The following RFX7 variants were observed in gnomAD, a reference collection of about 807,000 sequenced individuals.
The protein encoded by RFX7 is regulatory factor X7, also known as DNA-binding protein RFX7.
A neutral mutation model predicts 111.8 loss-of-function variants in RFX7; 26 were observed. The observed-to-expected ratio is 0.23, with a 90% CI of 0.17 to 0.32. The LOEUF is 0.32. Ranked by LOEUF, RFX7 falls within the 10% of genes least tolerant of loss-of-function variation. RFX7 has a pLI of 1.00. For missense variants in RFX7, 1,573 were observed against 1,772.9 expected, an observed-to-expected ratio of 0.89 and a Z score of 2.02; for synonymous variants, 624 against 624.4, an observed-to-expected ratio of 1.00 and a Z score of 0.01.
chr15:56,134,216 A>G (rs1318249133), intron 5 of RFX7, among the ~76,000 whole-genome samples: 2 of 152,108 alleles, frequency 1.3e-5, no homozygotes, highest in Non-Finnish European at 2.9e-5. Flanking sequence ...TAACTTCTCT[A>G]GGTTTCAAAT....
At chr15:56,144,353 G>A in intron 4 of RFX7, 48 bp downstream of exon 4, 1 of 1,049,606 alleles carries the variant, frequency 9.5e-7, no homozygotes, top group South Asian at 1.3e-5. Flanking sequence ...ATATCCTAGG[G>A]ACATCCTATA....
rs1018692794 is a variant in RFX7, at chr15:56,096,104, C to T, written c.1624G>A (p.Glu542Lys). ...ACAGGATGCTCATCTGATGATGTTT[C>T]GGGTTCCACTTTGACTTCCACAGCA... ...TSAVEVKVEP[E>K]TSSDEHPVQC... Residue 542 changes from glutamate to lysine, a missense_variant, in exon 10 of 10, where the codon GAA becomes AAA. This residue lies in a region of RFX7 where 625 missense variants were observed against 632.2 expected (regional missense o/e 0.99). Transcript: ENST00000559447. The T allele has an allele frequency of 6.2e-6, 10 of 1,613,552 alleles. No homozygotes were observed. Among genetic ancestry groups the T allele is most frequent in the Middle Eastern group, 1.6e-4 (1 of 6,084 alleles).
intron 2 of RFX7, among the ~76,000 whole-genome samples, chr15:56,227,822 G>A (rs889711772): frequency 1.3e-5 from 2 of 151,948 alleles, no homozygotes; most frequent in African/African-American, 2.4e-5. Flanking sequence ...CCTTTATATA[G>A]AACTGAATTG....
At chr15:56,161,607 A>G (rs2042720730) in intron 3 of RFX7, among the ~76,000 whole-genome samples, 2 of 152,088 alleles carry the variant, frequency 1.3e-5, no homozygotes. Flanking sequence ...GATAAATCAA[A>G]AGATAAATCC....
chr15:56,088,492 T>C lies in RFX7; in HGVS notation c.*4853A>G, dbSNP rs914919418. The C allele has an allele frequency of 3.5e-4, 54 of 152,358 alleles. No homozygotes were observed. The highest frequency in any genetic ancestry group is 1.2e-3 in the African/African-American group (51 of 41,596). 9.4% of individuals were successfully genotyped at this position (152,358 alleles called of 1,614,324 possible). On this transcript the variant is annotated 3_prime_UTR_variant, in exon 10 of 10. Coordinates refer to ENST00000559447, the MANE Select transcript of RFX7 (RefSeq NM_022841.7). ...TCTCTTCTCCTCTCCAAGAATTAAGTACTTCTTAAAAATCAAATCTTGAAA... is the reference window on the plus strand; with the variant it reads ...TCTCTTCTCCTCTCCAAGAATTAAGCACTTCTTAAAAATCAAATCTTGAAA...
At chr15:56,099,920 C>G (rs535165562) in intron 8 of RFX7, among the ~76,000 whole-genome samples, 13 of 152,298 alleles carry the variant, frequency 8.5e-5, no homozygotes, top group African/African-American at 3.1e-4. Flanking sequence ...CACAGTTAGA[C>G]TTTGTGAATG....
chr15:56,093,296 C>T lies in RFX7; in HGVS notation c.*49G>A. 6.9e-7 allele frequency: 1 copy of T among 1,444,026 alleles called. No homozygotes were observed. The highest frequency in any genetic ancestry group is 9.3e-7 in the Non-Finnish European group (1 of 1,071,088). The allele number at this position is 1,444,026 out of a possible 1,614,324, so 89.5% of individuals were successfully genotyped here. On this transcript the variant is annotated 3_prime_UTR_variant, in exon 10 of 10. Transcript: ENST00000559447. ...GGAGGCACTTCCATTAAGACAAATACAATACATATGTCTTTAGATACAGTG... is the reference window on the plus strand; with the variant it reads ...GGAGGCACTTCCATTAAGACAAATATAATACATATGTCTTTAGATACAGTG...
intron 5 of RFX7, among the ~76,000 whole-genome samples, chr15:56,142,525 TC>T (rs1351996077): frequency 6.6e-6 from 1 of 152,164 alleles, no homozygotes; most frequent in Non-Finnish European, 1.5e-5. Flanking sequence ...TACACCACTG[TC>T]CTTGCACTCT....
chr15:56,234,732 T>C (rs1219253141), intron 2 of RFX7, among the ~76,000 whole-genome samples: 3 of 152,218 alleles, frequency 2.0e-5, no homozygotes, highest in Non-Finnish European at 2.9e-5. Context: ...GGTGTTGCCA[T>C]ATAGAAATAA....
chr15:56,128,832 T>G (rs555899365), intron 5 of RFX7, among the ~76,000 whole-genome samples: 2 of 151,836 alleles, frequency 1.3e-5, no homozygotes, highest in South Asian at 2.1e-4. Flanking sequence ...ACCCTATAAT[T>G]AGAGCTAATA....
intron 2 of RFX7, among the ~76,000 whole-genome samples, chr15:56,188,340 A>G (rs866789794): frequency 6.6e-6 from 1 of 152,176 alleles, no homozygotes; most frequent in African/African-American, 2.4e-5. Flanking sequence ...ACTATGTACA[A>G]TGGGAGAGGA....
intron 2 of RFX7, among the ~76,000 whole-genome samples, chr15:56,232,537 C>T (rs757359781): frequency 6.6e-6 from 1 of 152,150 alleles, no homozygotes; most frequent in Non-Finnish European, 1.5e-5. Flanking sequence ...CTTGTTTCCT[C>T]GTTACTTATG....
At chr15:56,221,630 T>C (rs1188830398) in intron 2 of RFX7, among the ~76,000 whole-genome samples, 1 of 152,106 alleles carries the variant, frequency 6.6e-6, no homozygotes, top group African/African-American at 2.4e-5. Flanking sequence ...ATTTCCTGTC[T>C]TCTTTATTAT....
intron 2 of RFX7, among the ~76,000 whole-genome samples, chr15:56,216,847 G>C (rs1330691803): frequency 6.6e-6 from 1 of 151,560 alleles, no homozygotes; most frequent in Admixed American, 6.6e-5. Context: ...AATATAGATA[G>C]GGTCTCGCTA....
chr15:56,123,633 G>A (rs1245825926), intron 5 of RFX7, among the ~76,000 whole-genome samples: 1 of 152,182 alleles, frequency 6.6e-6, no homozygotes. Flanking sequence ...CAAAGCACTA[G>A]GAGTTGCCTA....
intron 2 of RFX7, among the ~76,000 whole-genome samples, chr15:56,213,076 T>C (rs2043328777): frequency 6.6e-6 from 1 of 152,232 alleles, no homozygotes; most frequent in South Asian, 2.1e-4. Context: ...TGTGGGAATG[T>C]AACATGGTAC....
chr15:56,097,755 A>AAAAAAAAAAAC (rs2041700484), intron 9 of RFX7, among the ~76,000 whole-genome samples: 1 of 149,406 alleles, frequency 6.7e-6, no homozygotes, highest in Non-Finnish European at 1.5e-5. Context: ...TCAAAAAAAA[A>AAAAAAAAAAAC]AAAAAAAAAA....
chr15:56,214,249 A>C (rs1238634774), intron 2 of RFX7, among the ~76,000 whole-genome samples: 8 of 152,162 alleles, frequency 5.3e-5, no homozygotes, highest in African/African-American at 1.9e-4. Context: ...CTTCCACCAA[A>C]AGCTTAAAAT....
At chr15:56,110,497 G>C (rs1194260688) in intron 5 of RFX7, among the ~76,000 whole-genome samples, 11 of 109,538 alleles carry the variant, frequency 1.0e-4, no homozygotes, top group Admixed American at 1.7e-4. Context: ...ACTGGGAAGT[G>C]AGGAGCCCCT....
Sources: gnomAD v4.1 joint callset for allele counts (sites outside exome capture counted in the v4.1 genomes callset) on GRCh38, gnomAD v4.1.1 for gene constraint, gnomAD v4.1.1 regional missense constraint, MANE v1.5 for transcripts, NCBI Gene and HGNC (gene_info 2026-07-23, HGNC 2026-07-21) for gene names.